SGCZ: variants seen among roughly 807,000 people sequenced by gnomAD.
The protein encoded by SGCZ is sarcoglycan zeta.
In SGCZ, 40 loss-of-function variants were observed where a neutral mutation model predicts 41.3. The observed-to-expected ratio is 0.97, with a 90% CI of 0.75 to 1.26. The LOEUF (loss-of-function observed/expected upper bound fraction) is 1.26, where lower values mean the gene tolerates loss of function less well. Ranked by LOEUF, SGCZ falls within the 50% of genes most tolerant of loss-of-function variation. The pLI is 0.00. For synonymous variants in SGCZ, 206 were observed against 137.5 expected (o/e 1.50, Z -3.49); for missense variants, 552 against 369.8 (o/e 1.49, Z -4.04).
intron 3 of SGCZ, among the ~76,000 whole-genome samples, chr8:14,284,120 C>T (rs7018176): frequency 1.3e-5 from 2 of 152,074 alleles, no homozygotes; most frequent in Non-Finnish European, 1.5e-5. Flanking sequence ...TGCTGAGCCT[C>T]GTGGCCAATG....
At chr8:14,321,055 G>T (rs1421651497) in intron 3 of SGCZ, among the ~76,000 whole-genome samples, 2 of 152,030 alleles carry the variant, frequency 1.3e-5, no homozygotes, top group Non-Finnish European at 2.9e-5. Flanking sequence ...TTGGCCTAAA[G>T]TTGGACCAAG....
intron 1 of SGCZ, among the ~76,000 whole-genome samples, chr8:14,997,752 G>A (rs561316618): frequency 3.3e-5 from 5 of 152,276 alleles, no homozygotes; most frequent in African/African-American, 1.2e-4. Context: ...TTGAGGTCAG[G>A]AGTGAGAGAC....
At chr8:14,186,631 G>A (rs867366738) in intron 4 of SGCZ, among the ~76,000 whole-genome samples, 85 of 152,100 alleles carry the variant, frequency 5.6e-4, no homozygotes, top group African/African-American at 1.9e-3. Context: ...TTCTGCTTTC[G>A]GATACACAGC....
At chr8:14,335,482 T>G (rs1480841290) in intron 2 of SGCZ, among the ~76,000 whole-genome samples, 2 of 152,128 alleles carry the variant, frequency 1.3e-5, no homozygotes. Context: ...GGAAAATATG[T>G]AATATTAGCT....
chr8:14,616,606 T>C (rs1342069024), intron 1 of SGCZ, among the ~76,000 whole-genome samples: 1 of 152,146 alleles, frequency 6.6e-6, no homozygotes. Context: ...TTTCTCTTTA[T>C]AAATAAACTT....
chr8:14,533,126 T>C (rs58809737), intron 2 of SGCZ, among the ~76,000 whole-genome samples: 7,001 of 152,024 alleles, frequency 0.046, 193 homozygotes, highest in African/African-American at 0.077. Flanking sequence ...GTATATCTCC[T>C]AATGCTATCC....
intron 1 of SGCZ, among the ~76,000 whole-genome samples, chr8:14,768,312 G>C (rs1800109469): frequency 6.6e-6 from 1 of 152,132 alleles, no homozygotes; most frequent in African/African-American, 2.4e-5. Flanking sequence ...AATTTATTTA[G>C]ATACTTTATA....
At chr8:14,702,729 AATG>A (rs199700757) in intron 1 of SGCZ, among the ~76,000 whole-genome samples, 11,807 of 139,196 alleles carry the variant, frequency 0.085, 814 homozygotes, top group African/African-American at 0.19. Flanking sequence ...TGCTGGCTTC[AATG>A]ATAGATAGAT....
At chr8:14,909,101 T>G (rs189329290) in intron 1 of SGCZ, among the ~76,000 whole-genome samples, 126 of 152,296 alleles carry the variant, frequency 8.3e-4, no homozygotes, top group African/African-American at 2.8e-3. Context: ...TGATTAAGTA[T>G]CTCATCTAGT....
At chr8:15,222,334 T>C (rs957337631) in intron 1 of SGCZ, among the ~76,000 whole-genome samples, 4 of 152,110 alleles carry the variant, frequency 2.6e-5, no homozygotes, top group Non-Finnish European at 4.4e-5. Context: ...TATGGCTAAG[T>C]AGCCCAACTC....
intron 2 of SGCZ, among the ~76,000 whole-genome samples, chr8:14,409,637 T>G (rs1799307130): frequency 6.6e-6 from 1 of 152,158 alleles, no homozygotes; most frequent in South Asian, 2.1e-4. Context: ...TTTGAGACAC[T>G]CCTGCTATTA....
At chr8:14,605,049 T>C (rs17310177) in intron 1 of SGCZ, among the ~76,000 whole-genome samples, 23,971 of 152,112 alleles carry the variant, frequency 0.16, 2,329 homozygotes, top group Non-Finnish European at 0.21. Flanking sequence ...GTAATTTGAG[T>C]CCATTATTTG....
intron 2 of SGCZ, among the ~76,000 whole-genome samples, chr8:14,533,151 C>T (rs144921687): frequency 1.3e-5 from 2 of 151,906 alleles, no homozygotes; most frequent in African/African-American, 2.4e-5. Flanking sequence ...CCACTCCCCC[C>T]ACCCCACAAC....
intron 2 of SGCZ, among the ~76,000 whole-genome samples, chr8:14,382,699 A>G (rs928644577): frequency 2.0e-5 from 3 of 152,222 alleles, no homozygotes; most frequent in Non-Finnish European, 4.4e-5. Context: ...ATTAACAAAT[A>G]TGCCACACTA....
intron 1 of SGCZ, among the ~76,000 whole-genome samples, chr8:14,592,823 G>C (rs1805282705): frequency 6.6e-6 from 1 of 152,176 alleles, no homozygotes; most frequent in Non-Finnish European, 1.5e-5. Context: ...GCTCTTAGCA[G>C]TGTTCAGAGT....
At chr8:14,752,132 C>CAAAAAAAAAAAAAAA (rs56243371) in intron 1 of SGCZ, among the ~76,000 whole-genome samples, 1 of 117,794 alleles carries the variant, frequency 8.5e-6, no homozygotes. Context: ...ACAAAAAAGC[C>CAAAAAAAAAAAAAAA]AAAAAAAAAA....
At chr8:14,227,355 G>A (rs1341429617) in intron 4 of SGCZ, among the ~76,000 whole-genome samples, 1 of 152,068 alleles carries the variant, frequency 6.6e-6, no homozygotes, top group Non-Finnish European at 1.5e-5. Context: ...GGTAAAGGAA[G>A]GAAAGACATT....
intron 1 of SGCZ, among the ~76,000 whole-genome samples, chr8:14,999,887 G>C (rs1343023496): frequency 6.6e-6 from 1 of 152,178 alleles, no homozygotes; most frequent in Non-Finnish European, 1.5e-5. Context: ...AGATCACTGG[G>C]ATAACGTGTG....
chr8:14,462,791 T>A (rs1022948010), intron 2 of SGCZ, among the ~76,000 whole-genome samples: 1 of 151,856 alleles, frequency 6.6e-6, no homozygotes, highest in Non-Finnish European at 1.5e-5. Flanking sequence ...TCGCATTGAA[T>A]CTGTAGATCA....
Sources: allele counts gnomAD v4.1 joint callset (sites outside exome capture counted in the v4.1 genomes callset), GRCh38; gene constraint gnomAD v4.1.1; transcripts MANE v1.5; gene names NCBI Gene and HGNC (gene_info 2026-07-23, HGNC 2026-07-21).